RGS8: variants seen among roughly 807,000 people sequenced by gnomAD.
RGS8 encodes the protein regulator of G protein signaling 8.
A neutral mutation model predicts 21.7 loss-of-function variants in RGS8; 8 were observed. The ratio of observed to expected loss-of-function variants is 0.37; its 90% confidence interval spans 0.22 to 0.66. The LOEUF is 0.66. RGS8 is among the 30% of genes least tolerant of loss of function. The pLI, the probability that RGS8 is intolerant of heterozygous loss-of-function variation, is 0.59. For synonymous variants in RGS8, 80 were observed against 83.6 expected, an observed-to-expected ratio of 0.96 and a Z score of 0.24; for missense variants, 157 against 217.9, an observed-to-expected ratio of 0.72 and a Z score of 1.76.
the RGS8 span, among the ~76,000 whole-genome samples, chr1:182,750,388 G>T: frequency 6.6e-6 from 1 of 152,280 alleles, no homozygotes; most frequent in Admixed American, 6.5e-5. Context: ...CAATAGTTCA[G>T]ATCCTTGACT....
the RGS8 span, among the ~76,000 whole-genome samples, chr1:182,720,768 CTTCAA>C: frequency 6.6e-6 from 1 of 151,624 alleles, no homozygotes; most frequent in South Asian, 2.1e-4. Context: ...GTCTGCAGCA[CTTCAA>C]TTCTTGATTA....
chr1:182,721,048 T>TATATATATGTGTATATATACATATATAC, the RGS8 span, among the ~76,000 whole-genome samples: 1 of 70,754 alleles, frequency 1.4e-5, no homozygotes, highest in Non-Finnish European at 2.8e-5. Flanking sequence ...TACATATACA[T>TATATATATGTGTATATATACATATATAC]ACATATATAT....
At chr1:182,742,054 A>T in the RGS8 span, among the ~76,000 whole-genome samples, 1 of 113,182 alleles carries the variant, frequency 8.8e-6, no homozygotes, top group Non-Finnish European at 1.9e-5. Flanking sequence ...CGCTCCTCAC[A>T]TCCCGGACGG....
chr1:182,676,929 G>A (rs923576570), upstream of RGS8, among the ~76,000 whole-genome samples: 13 of 152,124 alleles, frequency 8.5e-5, no homozygotes, highest in African/African-American at 2.7e-4. Context: ...TTCTCAGGGC[G>A]ATTATATGCA....
the RGS8 span, chr1:182,733,895 T>C: frequency 2.6e-5 from 4 of 151,330 alleles, no homozygotes; most frequent in African/African-American, 9.7e-5. Context: ...TATTTATTTA[T>C]TTATTTATTT....
At chr1:182,710,396 T>C in the RGS8 span, among the ~76,000 whole-genome samples, 1 of 152,152 alleles carries the variant, frequency 6.6e-6, no homozygotes, top group South Asian at 2.1e-4. Flanking sequence ...AGCCTCTACT[T>C]GTTCACTCTA....
the RGS8 span, among the ~76,000 whole-genome samples, chr1:182,727,979 A>C: frequency 6.6e-6 from 1 of 152,244 alleles, no homozygotes. Flanking sequence ...TTACATCTAG[A>C]ATAAAACTTA....
At chr1:182,716,435 A>C in the RGS8 span, among the ~76,000 whole-genome samples, 1 of 150,896 alleles carries the variant, frequency 6.6e-6, no homozygotes, top group African/African-American at 2.4e-5. Context: ...CTGTATTTTT[A>C]TTTATATTAT....
intron 5 of RGS8, among the ~76,000 whole-genome samples, chr1:182,665,276 C>A (rs1053783875): frequency 3.3e-5 from 5 of 152,126 alleles, no homozygotes; most frequent in African/African-American, 1.2e-4. Context: ...TGAACTTGTA[C>A]ATAATGAGAA....
downstream of RGS8, chr1:182,643,433 G>A (rs1030707829): frequency 1.3e-5 from 2 of 151,546 alleles, no homozygotes; most frequent in Non-Finnish European, 2.9e-5. Flanking sequence ...TGATGCCTGG[G>A]TCTCTAACAA....
chr1:182,697,816 C>T, the RGS8 span, among the ~76,000 whole-genome samples: 30 of 152,272 alleles, frequency 2.0e-4, 1 homozygote, highest in Admixed American at 5.9e-4. Flanking sequence ...GAATTAAAAA[C>T]ATAATTCGTC....
chr1:182,723,752 G>A, the RGS8 span, among the ~76,000 whole-genome samples: 2 of 152,060 alleles, frequency 1.3e-5, no homozygotes, highest in African/African-American at 4.8e-5. Flanking sequence ...CATCATGGCA[G>A]CAATTTTTTA....
At chr1:182,690,706 C>A in the RGS8 span, among the ~76,000 whole-genome samples, 1 of 152,110 alleles carries the variant, frequency 6.6e-6, no homozygotes, top group Non-Finnish European at 1.5e-5. Flanking sequence ...TTGATAAAAC[C>A]ATTACTAGGA....
intron 5 of RGS8, among the ~76,000 whole-genome samples, chr1:182,652,526 A>G (rs1663069636): frequency 6.6e-6 from 1 of 152,284 alleles, no homozygotes; most frequent in Non-Finnish European, 1.5e-5. Context: ...AACAATATGT[A>G]GCATTGAAAA....
At chr1:182,645,806 G>A (rs1321961013), downstream of RGS8, 1 of 152,182 alleles carries the variant, frequency 6.6e-6, no homozygotes, top group Non-Finnish European at 1.5e-5. Flanking sequence ...CCATGCTATA[G>A]GAATTCACCT....
chr1:182,673,691 T>C (rs1190104712), upstream of RGS8, among the ~76,000 whole-genome samples: 1 of 152,208 alleles, frequency 6.6e-6, no homozygotes, highest in Non-Finnish European at 1.5e-5. Flanking sequence ...TCTCATTTCT[T>C]ATTACCCCTT....
the RGS8 span, among the ~76,000 whole-genome samples, chr1:182,704,160 T>A: frequency 1.3e-5 from 2 of 152,228 alleles, no homozygotes; most frequent in African/African-American, 4.8e-5. Flanking sequence ...ATTCCTCCAA[T>A]AACCATAACT....
the RGS8 span, among the ~76,000 whole-genome samples, chr1:182,711,411 C>T: frequency 6.6e-6 from 1 of 152,174 alleles, no homozygotes; most frequent in African/African-American, 2.4e-5. Context: ...TGACACAGGT[C>T]CCACCTCGTC....
chr1:182,723,818 C>A, the RGS8 span, among the ~76,000 whole-genome samples: 2 of 152,064 alleles, frequency 1.3e-5, no homozygotes, highest in African/African-American at 4.8e-5. Flanking sequence ...CTGTATTTTA[C>A]TTAGAATCAG....
Sources: gnomAD v4.1 joint callset for allele counts (sites outside exome capture counted in the v4.1 genomes callset) on GRCh38, gnomAD v4.1.1 for gene constraint, MANE v1.5 for transcripts, NCBI Gene and HGNC (gene_info 2026-07-23, HGNC 2026-07-21) for gene names.